PXDNL: variants seen among roughly 807,000 people sequenced by gnomAD.
PXDNL encodes peroxidasin like.
Under a neutral mutation model 150.8 loss-of-function variants are expected in PXDNL, and 145 were observed. The observed-to-expected ratio is 0.96, with a 90% confidence interval of 0.84 to 1.10. The LOEUF is 1.10. PXDNL is among the 50% of genes least tolerant of loss of function. The pLI is 0.00. For synonymous variants in PXDNL, 757 were observed against 725.7 expected (o/e 1.04, Z -0.69); for missense variants, 2,087 against 1,873.9 (o/e 1.11, Z -2.10).
chr8:51,736,991 A>C (rs2130945398), intron 1 of PXDNL, among the ~76,000 whole-genome samples: 1 of 152,332 alleles, frequency 6.6e-6, no homozygotes, highest in South Asian at 2.1e-4. Flanking sequence ...CAACTCTAAA[A>C]AATTAACTGG....
chr8:51,353,932 T>C lies in PXDNL; in HGVS notation c.3902-7985A>G, dbSNP rs143979283. 4.9e-3 allele frequency among the ~76,000 whole-genome samples: 751 copies of C among 152,268 alleles called. 5 individuals carry two copies. The highest frequency in any genetic ancestry group is 0.017 in the African/African-American group (712 of 41,574). On this transcript the variant is annotated intron_variant, in intron 19 of 22. Transcript: ENST00000356297. Reference sequence around the variant, plus strand: ...ATGTGACCATTATCAATATTTTGCTTATGTATGGCCCTTGTTAATGGTATA... The same window carrying C: ...ATGTGACCATTATCAATATTTTGCTCATGTATGGCCCTTGTTAATGGTATA...
chr8:51,733,836 TTA>T (rs5891430), intron 1 of PXDNL, among the ~76,000 whole-genome samples: 1 of 142,602 alleles, frequency 7.0e-6, no homozygotes, highest in African/African-American at 2.7e-5. Flanking sequence ...TATATATAAT[TTA>T]TATATATATG....
intron 1 of PXDNL, among the ~76,000 whole-genome samples, chr8:51,805,464 T>A (rs1275040909): frequency 2.0e-5 from 3 of 148,078 alleles, no homozygotes; most frequent in Non-Finnish European, 4.5e-5. Context: ...ATATATATAT[T>A]ATATATATAT....
At chr8:51,443,420 T>G (rs1440336851) in intron 12 of PXDNL, among the ~76,000 whole-genome samples, 2 of 152,082 alleles carry the variant, frequency 1.3e-5, no homozygotes, top group Non-Finnish European at 2.9e-5. Context: ...AGCTAGAAAT[T>G]GGGCAAAGAA....
At chr8:51,401,693 G>A (rs1432123199) in intron 17 of PXDNL, among the ~76,000 whole-genome samples, 2 of 152,186 alleles carry the variant, frequency 1.3e-5, no homozygotes, top group Admixed American at 6.5e-5. Flanking sequence ...TGAAGGAATA[G>A]GGGGCACCCA....
rs193150506 is a variant in PXDNL at position 51,619,361 on chromosome 8, A to G, written c.237-26663T>C. 1.4e-4 allele frequency among the ~76,000 whole-genome samples: 21 copies of G among 152,350 alleles called. No homozygotes were observed. The East Asian group carries it at 3.7e-3, about 27-fold the overall frequency. On this transcript the variant is annotated intron_variant, in intron 2 of 22. Transcript: ENST00000356297. ...ATGACCCCCTTTACAGAAAGGGTTT[A>G]GCCTCACACCCTGGAGAAAGGAACG...
At chr8:51,531,056 T>C (rs1390753912) in intron 4 of PXDNL, among the ~76,000 whole-genome samples, 3 of 152,200 alleles carry the variant, frequency 2.0e-5, no homozygotes, top group African/African-American at 7.2e-5. Context: ...AAAGTTACTG[T>C]CTGTGACTTT....
chr8:51,701,291 A>G (rs1400822254), intron 1 of PXDNL, among the ~76,000 whole-genome samples: 2 of 152,158 alleles, frequency 1.3e-5, no homozygotes, highest in Admixed American at 1.3e-4. Flanking sequence ...ATGCAGGCGA[A>G]TTTCAAACAG....
chr8:51,372,437 T>G (rs1807152353), intron 18 of PXDNL, among the ~76,000 whole-genome samples: 1 of 152,226 alleles, frequency 6.6e-6, no homozygotes, highest in African/African-American at 2.4e-5. Flanking sequence ...CAGGTTGGAG[T>G]GCAGTGGCAT....
At chr8:51,344,082 T>C (rs112350008) in intron 20 of PXDNL, among the ~76,000 whole-genome samples, 8 of 152,276 alleles carry the variant, frequency 5.3e-5, no homozygotes, top group African/African-American at 1.7e-4. Flanking sequence ...AACTCATTCA[T>C]TCATTCATTT....
intron 1 of PXDNL, among the ~76,000 whole-genome samples, chr8:51,689,080 G>A (rs1227850217): frequency 6.6e-6 from 1 of 152,182 alleles, no homozygotes; most frequent in Admixed American, 6.5e-5. Flanking sequence ...GCGCACTCCT[G>A]GGGCTGCCTG....
chr8:51,472,078 C>T (rs1455111874), intron 8 of PXDNL, 109 bp downstream of exon 8: 1 of 655,012 alleles, frequency 1.5e-6, no homozygotes, highest in South Asian at 2.6e-5. Context: ...CTTTAAGAAA[C>T]TCTGAAAATT....
At chr8:51,362,823 G>A (rs533518265) in intron 19 of PXDNL, among the ~76,000 whole-genome samples, 8 of 152,170 alleles carry the variant, frequency 5.3e-5, no homozygotes, top group African/African-American at 1.9e-4. Context: ...CTGCTTCTGT[G>A]TTCATATGTG....
rs561134546 is a variant in PXDNL at position 51,477,409 on chromosome 8, T to A, written c.525-2268A>T. Among the ~76,000 whole-genome samples the A allele has an allele frequency of 2.0e-5, 3 of 152,314 alleles. No homozygotes were observed. The South Asian group carries it at 6.2e-4, about 32-fold the overall frequency. ...AAAGTAGGGAATTCTGTCAGCCTTGTCGGGAGTGAGGTGTAAGTCATAAAA... is the reference window on the plus strand; with the variant it reads ...AAAGTAGGGAATTCTGTCAGCCTTGACGGGAGTGAGGTGTAAGTCATAAAA... On this transcript the variant is annotated intron_variant, in intron 6 of 22. Transcript: ENST00000356297.
intron 1 of PXDNL, among the ~76,000 whole-genome samples, chr8:51,672,145 C>G (rs1815509421): frequency 6.6e-6 from 1 of 152,084 alleles, no homozygotes; most frequent in Non-Finnish European, 1.5e-5. Flanking sequence ...CCACACTCAG[C>G]TAATTTTTGT....
intron 12 of PXDNL, among the ~76,000 whole-genome samples, chr8:51,443,769 A>G (rs1348723599): frequency 1.3e-5 from 2 of 152,228 alleles, no homozygotes; most frequent in Admixed American, 6.5e-5. Context: ...AAGTCTATGA[A>G]TAAAATATTA....
At chr8:51,787,001 A>G (rs546943256) in intron 1 of PXDNL, among the ~76,000 whole-genome samples, 2 of 151,982 alleles carry the variant, frequency 1.3e-5, no homozygotes, top group African/African-American at 4.8e-5. Context: ...TACTTAGCCT[A>G]TGCCCTAGAA....
At chr8:51,371,730 T>C in intron 19 of PXDNL, 143 bp downstream of exon 19, 1 of 735,760 alleles carries the variant, frequency 1.4e-6, no homozygotes, top group Non-Finnish European at 2.2e-6. Flanking sequence ...CTTCATCATC[T>C]GTCAGATTTC....
intron 21 of PXDNL, among the ~76,000 whole-genome samples, chr8:51,339,310 C>T (rs542122407): frequency 2.0e-5 from 3 of 152,178 alleles, no homozygotes; most frequent in Non-Finnish European, 2.9e-5. Flanking sequence ...AAATACAAAA[C>T]TTAGCTGGGT....
Sources: allele counts gnomAD v4.1 joint callset (sites outside exome capture counted in the v4.1 genomes callset), GRCh38; gene constraint gnomAD v4.1.1; transcripts MANE v1.5; gene names NCBI Gene and HGNC (gene_info 2026-07-23, HGNC 2026-07-21).